The following BTRC variants were observed in gnomAD, a reference collection of about 807,000 sequenced individuals.
BTRC encodes the protein beta-transducin repeat containing E3 ubiquitin protein ligase, also known as F-box/WD repeat-containing protein 1A.
In BTRC, 42 loss-of-function variants were observed where a neutral mutation model predicts 85.5. That is an observed-to-expected ratio of 0.49 (90% CI 0.38 to 0.64). BTRC has a LOEUF of 0.64. Ranked by LOEUF, BTRC falls within the 30% of genes least tolerant of loss-of-function variation. The pLI, the probability that BTRC is intolerant of heterozygous loss-of-function variation, is 0.00. For synonymous variants in BTRC, 255 were observed against 263.3 expected (o/e 0.97, Z 0.30); for missense variants, 594 against 743.5 (o/e 0.80, Z 2.34).
chr10:101,456,965 G>A (rs1410507648), intron 2 of BTRC, among the ~76,000 whole-genome samples: 1 of 152,112 alleles, frequency 6.6e-6, no homozygotes, highest in Non-Finnish European at 1.5e-5. Context: ...CTTATTCATA[G>A]GGGGTATGTT....
intron 1 of BTRC, among the ~76,000 whole-genome samples, chr10:101,392,762 G>A (rs1018950456): frequency 6.6e-6 from 1 of 152,138 alleles, no homozygotes; most frequent in African/African-American, 2.4e-5. Context: ...GACCTCAGGC[G>A]ATCCACCTGC....
intron 13 of BTRC, among the ~76,000 whole-genome samples, chr10:101,539,320 G>A (rs963293718): frequency 2.6e-5 from 4 of 152,304 alleles, no homozygotes; most frequent in South Asian, 2.1e-4. Flanking sequence ...GACACCACTC[G>A]GAGAAAAGAT....
intron 2 of BTRC, among the ~76,000 whole-genome samples, chr10:101,460,081 G>A (rs1458816042): frequency 1.3e-5 from 2 of 152,120 alleles, no homozygotes; most frequent in African/African-American, 4.8e-5. Flanking sequence ...TAGTTTATCT[G>A]ATCTTTTTAT....
intron 1 of BTRC, among the ~76,000 whole-genome samples, chr10:101,361,035 G>C (rs931234615): frequency 6.6e-6 from 1 of 152,070 alleles, no homozygotes; most frequent in Non-Finnish European, 1.5e-5. Flanking sequence ...GGAACTCCTG[G>C]CCTCAAGTTA....
At chr10:101,482,817 C>G (rs1420131652) in intron 4 of BTRC, among the ~76,000 whole-genome samples, 3 of 152,176 alleles carry the variant, frequency 2.0e-5, no homozygotes, top group African/African-American at 7.2e-5. Flanking sequence ...TGAATAGTTT[C>G]ATCTGCTGCA....
intron 1 of BTRC, among the ~76,000 whole-genome samples, chr10:101,415,240 A>G: frequency 6.6e-6 from 1 of 150,468 alleles, no homozygotes; most frequent in Non-Finnish European, 1.5e-5. Flanking sequence ...CAGTGGTGAG[A>G]TCTCGGCTTA....
intron 1 of BTRC, among the ~76,000 whole-genome samples, chr10:101,357,977 A>T (rs1942091137): frequency 6.6e-6 from 1 of 152,230 alleles, no homozygotes; most frequent in African/African-American, 2.4e-5. Flanking sequence ...GTATAAATGG[A>T]AACTTGAAGA....
In BTRC at chr10:101,473,117, A is replaced by T. The variant is rs1347463964; in HGVS notation, c.235-6251A>T. ...TCTAGATAATCCAGAATTGTCCCAC[A>T]CAGTGACTAAGACCGATCTTTTTTT... On this transcript the variant is annotated intron_variant, in intron 3 of 14. Coordinates refer to ENST00000370187, the MANE Select transcript of BTRC (RefSeq NM_033637.4). Among the ~76,000 whole-genome samples the T allele has an allele frequency of 2.0e-5, 3 of 149,604 alleles. No homozygotes were observed. In the East Asian group the frequency reaches 6.0e-4, roughly 30 times the overall value.
At chr10:101,375,579 G>A (rs1219873203) in intron 1 of BTRC, among the ~76,000 whole-genome samples, 2 of 152,164 alleles carry the variant, frequency 1.3e-5, no homozygotes, top group Non-Finnish European at 2.9e-5. Context: ...AGATCAATAG[G>A]CAGAAAGCAT....
rs1410913373 is a variant in BTRC at position 101,354,306 on chromosome 10, T to TGCGGGACCGGGCA, written c.48+87_48+99dup. ...TCGCTGGCCTGGGCCGCCCGCCCAC[T>TGCGGGACCGGGCA]GCGGGACCGGGCAGCGGGACCCTGG... On this transcript the variant is annotated intron_variant, in intron 1 of 14. Transcript: ENST00000370187. 6.0e-6 allele frequency: 9 copies of TGCGGGACCGGGCA among 1,489,830 alleles called. No individual in the cohort carries two copies. In the South Asian group the frequency reaches 6.1e-5, roughly 10 times the overall value. The allele number at this position is 1,489,830 out of a possible 1,614,324, so 92.3% of individuals were successfully genotyped here.
At position 101,523,945 on chromosome 10, in the gene BTRC, C is replaced by T. The variant is rs560292606; in HGVS notation, c.557-2068C>T. On this transcript the variant is annotated intron_variant, in intron 5 of 14. Transcript: ENST00000370187. ...TGTAGGAATCCTAGGGGAAAAAATA[C>T]AGACATAGAATCACTATATATTAAG... Among the ~76,000 whole-genome samples, 12 of 152,116 alleles carry T rather than the reference C, an allele frequency of 7.9e-5. No individual in the cohort carries two copies. The South Asian group carries it at 1.5e-3, about 18-fold the overall frequency.
In BTRC at chr10:101,504,052, G is replaced by A. The variant is rs138368900; in HGVS notation, c.325-17587G>A. The stretch of plus-strand genomic sequence containing the variant: ...AGAACTGAATTTTCTGATGCTAACT[G>A]AAGGGAGAAGGGTGTTGGGGGTAAG... On this transcript the variant is annotated intron_variant, in intron 4 of 14. Coordinates refer to ENST00000370187, the MANE Select transcript of BTRC (RefSeq NM_033637.4). Among the ~76,000 whole-genome samples, 272 of 152,302 alleles carry A rather than the reference G, an allele frequency of 1.8e-3. 1 individual carries two copies. The highest frequency in any genetic ancestry group is 3.2e-3 in the Non-Finnish European group (220 of 68,030).
At chr10:101,503,469 T>G (rs1453109366) in intron 4 of BTRC, among the ~76,000 whole-genome samples, 2 of 152,182 alleles carry the variant, frequency 1.3e-5, no homozygotes, top group Non-Finnish European at 2.9e-5. Context: ...TCACCTGTGC[T>G]GAAAAAACAG....
At chr10:101,535,943 G>T (rs1176894993) in intron 11 of BTRC, among the ~76,000 whole-genome samples, 3 of 152,160 alleles carry the variant, frequency 2.0e-5, no homozygotes, top group Non-Finnish European at 4.4e-5. Flanking sequence ...CTTCAGTGAA[G>T]TATTAAAAGG....
At chr10:101,409,565 G>A (rs903646164) in intron 1 of BTRC, among the ~76,000 whole-genome samples, 1 of 152,048 alleles carries the variant, frequency 6.6e-6, no homozygotes, top group Non-Finnish European at 1.5e-5. Context: ...CTATATACCT[G>A]GGCTATATGT....
chr10:101,385,034 T>G (rs2133967379), intron 1 of BTRC, among the ~76,000 whole-genome samples: 1 of 151,640 alleles, frequency 6.6e-6, no homozygotes, highest in Non-Finnish European at 1.5e-5. Flanking sequence ...ACCAGCCTGG[T>G]CAACTTAGCA....
rs557281673 is a variant in BTRC, at chr10:101,383,118, C to T, written c.48+28890C>T. Among the ~76,000 whole-genome samples, 17 of 133,056 alleles carry T rather than the reference C, an allele frequency of 1.3e-4. No individual in the cohort carries two copies. The South Asian group carries it at 4.1e-3, about 32-fold the overall frequency. The allele number at this position is 133,056 out of a possible 152,430, so 87.3% of individuals were successfully genotyped here. A position where few individuals can be genotyped will look rare whatever the true frequency, so the allele number is the denominator to read the frequency against. On this transcript the variant is annotated intron_variant, in intron 1 of 14. Coordinates refer to ENST00000370187, the MANE Select transcript of BTRC (RefSeq NM_033637.4). ...TCACTCTTTCTCCCAGGTTGGAGTG[C>T]TGTGGTGCTATCACAGCTCATTGCA...
chr10:101,407,924 A>C (rs575218441), intron 1 of BTRC, among the ~76,000 whole-genome samples: 1 of 151,128 alleles, frequency 6.6e-6, no homozygotes, highest in East Asian at 2.0e-4. Flanking sequence ...GGGTTTTACC[A>C]TGTTGGCCAG....
intron 2 of BTRC, among the ~76,000 whole-genome samples, chr10:101,455,007 A>G (rs904961907): frequency 1.3e-5 from 2 of 152,088 alleles, no homozygotes; most frequent in African/African-American, 4.8e-5. Context: ...GACCATTACG[A>G]CAGTAGCAGT....
Sources: gnomAD v4.1 joint callset for allele counts (sites outside exome capture counted in the v4.1 genomes callset) on GRCh38, gnomAD v4.1.1 for gene constraint, MANE v1.5 for transcripts, NCBI Gene and HGNC (gene_info 2026-07-23, HGNC 2026-07-21) for gene names.